Variants in APEH observed in about 807,000 individuals in gnomAD.
The protein encoded by APEH is acylamino-acid-releasing enzyme.
Under a neutral mutation model 102.7 loss-of-function variants are expected in APEH, and 75 were observed. The observed-to-expected ratio is 0.73, with a 90% confidence interval of 0.61 to 0.89. The LOEUF (loss-of-function observed/expected upper bound fraction) is 0.89, where lower values mean the gene tolerates loss of function less well. Ranked by LOEUF, APEH falls within the 40% of genes least tolerant of loss-of-function variation. The pLI is 0.00. For missense variants in APEH, 863 were observed against 941.2 expected (o/e 0.92, Z 1.09); for synonymous variants, 344 against 362.7 (o/e 0.95, Z 0.59).
Position 49,679,928 on chromosome 3 carries a change from A to C in APEH, c.1210+284A>C. On this transcript the variant is annotated intron_variant, in intron 13 of 21. Coordinates refer to ENST00000296456, the MANE Select transcript of APEH (RefSeq NM_001640.4). The surrounding 1 kb of genome is among the most constrained non-coding windows in gnomAD (Gnocchi z 4.3). ...CACGGCCCCCACCTCTGCTCCTAAAACCCACAAAACTCTCTCTTATCAAGA... is the reference window on the plus strand; with the variant it reads ...CACGGCCCCCACCTCTGCTCCTAAACCCCACAAAACTCTCTCTTATCAAGA... 2.9e-6 allele frequency: 1 copy of C among 347,886 alleles called. No homozygotes were observed. 21.5% of individuals were successfully genotyped at this position (347,886 alleles called of 1,614,324 possible). A position where few individuals can be genotyped will look rare whatever the true frequency, so the allele number is the denominator to read the frequency against.
intron 13 of APEH, 35 bp from the exon 14 acceptor site, chr3:49,680,506 C>T (rs777550888): frequency 4.4e-6 from 7 of 1,583,104 alleles, no homozygotes; most frequent in Middle Eastern, 1.7e-4. Context: ...GGTGATGGCT[C>T]CTGCTAAGCA....
chr3:49,683,025 TC>T lies in APEH; in HGVS notation c.1987-11del. On this transcript the variant is annotated splice_polypyrimidine_tract_variant and intron_variant, in intron 20 of 21. Coordinates refer to ENST00000296456, the MANE Select transcript of APEH (RefSeq NM_001640.4). ...CCAGCTCAACACAGCTCCCCACTCT[TC>T]CCCAAACACCCAGGTGAAGACACCA... is the stretch of plus-strand genomic sequence containing the variant. 6.2e-7 allele frequency: 1 copy of T among 1,613,216 alleles called. No homozygotes were observed. The highest frequency in any genetic ancestry group is 1.1e-5 in the South Asian group (1 of 91,016).
At chr3:49,682,813 C>T (rs374086139) in intron 19 of APEH, 30 bp from the exon 20 acceptor site, 8 of 1,613,802 alleles carry the variant, frequency 5.0e-6, no homozygotes, top group Non-Finnish European at 6.8e-6. Flanking sequence ...CCCAGAATTC[C>T]TGGGGCTGCA....
Position 49,675,771 on chromosome 3 carries a change from A to T in APEH, c.350A>T (p.Glu117Val). 6.2e-7 allele frequency: 1 copy of T among 1,614,072 alleles called. No individual in the cohort carries two copies. Among genetic ancestry groups the T allele is most frequent in the African/African-American group, 1.3e-5 (1 of 75,046 alleles). Reference sequence around the variant, plus strand: ...GCTGGAGGCACGGGCCCTGGGGAAGAGAAGCAGTTCCTGGAGGTGAGTCTG... The same window carrying T: ...GCTGGAGGCACGGGCCCTGGGGAAGTGAAGCAGTTCCTGGAGGTGAGTCTG... ...RKAGGTGPGEEKQFLEVWEKN... is the reference protein window; with the variant it reads ...RKAGGTGPGEVKQFLEVWEKN... Residue 117 changes from glutamate (E) to valine (V), a missense_variant, in exon 4 of 22, where the codon GAG becomes GTG. Glu to Val is a moderately radical substitution (Grantham distance 121). Transcript: ENST00000296456.
At chr3:49,680,392 C>T (rs539974253) in intron 13 of APEH, 149 bp from the exon 14 acceptor site, 2 of 662,310 alleles carry the variant, frequency 3.0e-6, no homozygotes, top group East Asian at 5.6e-5. Flanking sequence ...CACCCGGGGC[C>T]ATGTGCAGTT....
At position 49,681,178 on chromosome 3, in the gene APEH, C is replaced by T. The variant is rs373786763; in HGVS notation, c.1377C>T (p.Pro459=). 2.7e-5 allele frequency: 44 copies of T among 1,610,238 alleles called. No homozygotes were observed. The highest frequency in any genetic ancestry group is 2.1e-4 in the South Asian group (19 of 90,690). ...CCCTGGAGGAGGCCGAGCCCATTCC[C>T]GACATCCACTGGGGCATCCGGGTGC... is the stretch of plus-strand genomic sequence containing the variant. ...WVSLEEAEPI[P]DIHWGIRVLQ... is the part of the protein sequence containing the mutation. The change falls in exon 15 of 22, where the codon CCC becomes CCT. Residue 459 remains proline (P), a synonymous_variant. Transcript: ENST00000296456.
At position 49,680,618 on chromosome 3, in the gene APEH, C is replaced by T; in HGVS notation, c.1288C>T (p.Pro430Ser). ...GGCACAGTTTTCCACACCCAGCCTA[C>T]CTCCAACCCTGGTGAGTGTCGGTGG... Reference protein sequence around the residue: ...MVAQFSTPSLPPTLKVGFLPS... With the variant: ...MVAQFSTPSLSPTLKVGFLPS... Residue 430 changes from proline to serine, a missense_variant, in exon 14 of 22, where the codon CCT (proline) becomes TCT (serine). Transcript: ENST00000296456. 1 of 1,614,000 alleles carries T rather than the reference C, an allele frequency of 6.2e-7. No homozygotes were observed. Among genetic ancestry groups the T allele is most frequent in the Non-Finnish European group, 8.5e-7 (1 of 1,179,964 alleles).
At position 49,679,828 on chromosome 3, in the gene APEH, A is replaced by T; in HGVS notation, c.1210+184A>T. 1.7e-6 allele frequency: 1 copy of T among 591,254 alleles called. No homozygotes were observed. The highest frequency in any genetic ancestry group is 1.9e-5 in the South Asian group (1 of 52,548). 36.6% of individuals were successfully genotyped at this position (591,254 alleles called of 1,614,324 possible). A position where few individuals can be genotyped will look rare whatever the true frequency, so the allele number is the denominator to read the frequency against. ...CCCTGTCTGTGCAGACCCTTACCCA[A>T]CCAACAGACTAGCTTCCCTGCTCTA... On this transcript the variant is annotated intron_variant, in intron 13 of 21. Coordinates refer to ENST00000296456, the MANE Select transcript of APEH (RefSeq NM_001640.4). The surrounding 1 kb of genome is among the most constrained non-coding windows in gnomAD (Gnocchi z 4.3).
At chr3:49,676,539 C>T (rs372729022) in intron 7 of APEH, 24 bp downstream of exon 7, 1 of 1,614,248 alleles carries the variant, frequency 6.2e-7, no homozygotes, top group Non-Finnish European at 8.5e-7. Context: ...GCCTGTGTCC[C>T]CCCTGGAGTC....
At position 49,676,497 on chromosome 3, in the gene APEH, G is replaced by C. The variant is rs1419651245; in HGVS notation, c.726G>C (p.Glu242Asp). 1.2e-6 allele frequency: 2 copies of C among 1,614,126 alleles called. No homozygotes were observed. The highest frequency in any genetic ancestry group is 1.7e-6 in the Non-Finnish European group (2 of 1,180,044). Residue 242 changes from glutamate (E) to aspartate (D), a missense_variant, in exon 7 of 22, where the codon GAG becomes GAC. Coordinates refer to ENST00000296456, the MANE Select transcript of APEH (RefSeq NM_001640.4). ...GNISVLEGVP[E>D]NVSPGQAFWA... ...TCTCTGTGCTTGAGGGGGTCCCTGAGAATGTGTCCCCTGGACAGGTCAGCA... is the reference window on the plus strand; with the variant it reads ...TCTCTGTGCTTGAGGGGGTCCCTGACAATGTGTCCCCTGGACAGGTCAGCA...
At chr3:49,673,663 G>A (rs2052874152), upstream of APEH, among the ~76,000 whole-genome samples, 1 of 152,078 alleles carries the variant, frequency 6.6e-6, no homozygotes, top group Admixed American at 6.5e-5. Flanking sequence ...CTTCGTCTGC[G>A]TGGAACTCCC....
chr3:49,683,882 G>T lies in APEH; in HGVS notation c.*540G>T. 7.7e-7 allele frequency: 1 copy of T among 1,292,090 alleles called. No individual in the cohort carries two copies. The allele number at this position is 1,292,090 out of a possible 1,614,324, so 80.0% of individuals were successfully genotyped here. On this transcript the variant is annotated 3_prime_UTR_variant, in exon 22 of 22. Transcript: ENST00000296456. ...CTAGCCCAGGGTGTGCTGGGCTCAAGCCACCCGAGCCCTAGCAAGGAGTCA... is the reference window on the plus strand; with the variant it reads ...CTAGCCCAGGGTGTGCTGGGCTCAATCCACCCGAGCCCTAGCAAGGAGTCA...
chr3:49,680,810 A>G (rs1213844758), intron 14 of APEH, among the ~76,000 whole-genome samples, 181 bp downstream of exon 14: 1 of 152,234 alleles, frequency 6.6e-6, no homozygotes, highest in Non-Finnish European at 1.5e-5. Flanking sequence ...CTACTAGGCT[A>G]GAATCTGCTC....
chr3:49,679,054 C>A lies in APEH; in HGVS notation c.1158+105C>A. ...TGGGTGGAATGCCCAGCCACAAAGT[C>A]TCATCAGCCCCTTAAAACCCTGCCT... On this transcript the variant is annotated intron_variant, in intron 12 of 21. Coordinates refer to ENST00000296456, the MANE Select transcript of APEH (RefSeq NM_001640.4). This position sits in a 1 kb window ranked among gnomAD's most constrained non-coding sequence, Gnocchi z 4.3. The A allele has an allele frequency of 1.1e-6, 1 of 908,088 alleles. No individual in the cohort carries two copies. Among genetic ancestry groups the A allele is most frequent in the Non-Finnish European group, 1.7e-6 (1 of 589,884 alleles). 56.3% of individuals were successfully genotyped at this position (908,088 alleles called of 1,614,324 possible).
upstream of APEH, chr3:49,674,251 G>A (rs1033271067): frequency 4.0e-5 from 41 of 1,014,186 alleles, no homozygotes; most frequent in Admixed American, 9.0e-5. Flanking sequence ...CCCTGCCAAC[G>A]GTCCTCACCC....
At position 49,682,621 on chromosome 3, in the gene APEH, G is replaced by A; in HGVS notation, c.1768G>A (p.Gly590Ser). The change falls in exon 19 of 22, where the codon GGC becomes AGC. Residue 590 changes from glycine (G) to serine (S), a missense_variant. Physicochemically the swap from Gly to Ser is moderately conservative, Grantham distance 56. Transcript: ENST00000296456. Reference sequence around the variant, plus strand: ...GGCCCTTATGGGTGGTTCCCATGGTGGCTTCATTTCCTGCCACTTGATTGG... The same window carrying A: ...GGCCCTTATGGGTGGTTCCCATGGTAGCTTCATTTCCTGCCACTTGATTGG... ...HVALMGGSHG[G>S]FISCHLIGQY... 6.2e-7 allele frequency: 1 copy of A among 1,614,104 alleles called. No homozygotes were observed. The highest frequency in any genetic ancestry group is 8.5e-7 in the Non-Finnish European group (1 of 1,180,036).
At chr3:49,678,679 A>G (rs1575472523) in intron 11 of APEH, among the ~76,000 whole-genome samples, 173 bp from the exon 12 acceptor site, 2 of 151,900 alleles carry the variant, frequency 1.3e-5, no homozygotes, top group South Asian at 4.1e-4. Context: ...TCAGCCACCT[A>G]CTCAGGCAGC....
At position 49,679,063 on chromosome 3, in the gene APEH, C is replaced by A; in HGVS notation, c.1158+114C>A. ...TGCCCAGCCACAAAGTCTCATCAGC[C>A]CCTTAAAACCCTGCCTGCCCATCCT... is the stretch of plus-strand genomic sequence containing the variant. On this transcript the variant is annotated intron_variant, in intron 12 of 21. Coordinates refer to ENST00000296456, the MANE Select transcript of APEH (RefSeq NM_001640.4). This position sits in a 1 kb window ranked among gnomAD's most constrained non-coding sequence, Gnocchi z 4.3. The A allele has an allele frequency of 1.2e-6, 1 of 802,666 alleles. No homozygotes were observed. The highest frequency in any genetic ancestry group is 1.7e-5 in the South Asian group (1 of 60,544). The allele number at this position is 802,666 out of a possible 1,614,324, so 49.7% of individuals were successfully genotyped here. A position where few individuals can be genotyped will look rare whatever the true frequency, so the allele number is the denominator to read the frequency against.
chr3:49,683,390 CTT>C lies in APEH; in HGVS notation c.*49_*50del. On this transcript the variant is annotated 3_prime_UTR_variant, in exon 22 of 22. Coordinates refer to ENST00000296456, the MANE Select transcript of APEH (RefSeq NM_001640.4). ...TGATCAGCCTGTGCCACACTTCGCT[CTT>C]GAGGAGCTCAACGGTCTGGCAGGGC... 2 of 1,519,330 alleles carry C rather than the reference CTT, an allele frequency of 1.3e-6. No individual in the cohort carries two copies. The highest frequency in any genetic ancestry group is 1.8e-6 in the Non-Finnish European group (2 of 1,094,872). 94.1% of individuals were successfully genotyped at this position (1,519,330 alleles called of 1,614,324 possible).
Sources: allele counts gnomAD v4.1 joint callset (sites outside exome capture counted in the v4.1 genomes callset), GRCh38; gene constraint gnomAD v4.1.1; non-coding constraint Gnocchi (gnomAD v3.1); transcripts MANE v1.5; gene names NCBI Gene and HGNC (gene_info 2026-07-23, HGNC 2026-07-21).